Variants in EXOC6B observed in about 807,000 individuals in gnomAD.
EXOC6B encodes SEC15 homolog B.
EXOC6B carries 54 observed loss-of-function variants against 113.5 expected under a neutral mutation model. The observed-to-expected ratio is 0.48, with a 90% confidence interval of 0.38 to 0.60. EXOC6B has a LOEUF of 0.60. EXOC6B is among the 20% of genes least tolerant of loss of function. The pLI is 0.00. For synonymous variants in EXOC6B, 357 were observed against 339.0 expected, an observed-to-expected ratio of 1.05 and a Z score of -0.58; for missense variants, 797 against 977.5, an observed-to-expected ratio of 0.82 and a Z score of 2.46.
intron 1 of EXOC6B, among the ~76,000 whole-genome samples, chr2:72,752,975 T>A (rs1303671808): frequency 6.6e-6 from 1 of 152,098 alleles, no homozygotes; most frequent in Non-Finnish European, 1.5e-5. Flanking sequence ...TCTTCACATA[T>A]ATATATACCC....
chr2:72,662,259 T>A (rs544347325), intron 6 of EXOC6B, among the ~76,000 whole-genome samples: 1 of 152,264 alleles, frequency 6.6e-6, no homozygotes, highest in African/African-American at 2.4e-5. Flanking sequence ...AATCTTCATG[T>A]CCTAGCATAA....
intron 6 of EXOC6B, among the ~76,000 whole-genome samples, chr2:72,642,874 G>C (rs1673370530): frequency 6.7e-6 from 1 of 149,594 alleles, no homozygotes; most frequent in Non-Finnish European, 1.5e-5. Context: ...ATCTGACAAA[G>C]GGCTAATATC....
At chr2:72,728,893 T>C (rs1233958909) in intron 5 of EXOC6B, among the ~76,000 whole-genome samples, 1 of 152,172 alleles carries the variant, frequency 6.6e-6, no homozygotes, top group Non-Finnish European at 1.5e-5. Flanking sequence ...ATTCATATAA[T>C]AGACTACCAT....
chr2:72,766,285 A>T (rs1316717234), intron 1 of EXOC6B, among the ~76,000 whole-genome samples: 2 of 152,180 alleles, frequency 1.3e-5, no homozygotes, highest in East Asian at 3.9e-4. Context: ...TGCCTTACCA[A>T]AAGTGGGAGC....
intron 7 of EXOC6B, among the ~76,000 whole-genome samples, chr2:72,572,274 G>A (rs1020323155): frequency 2.0e-5 from 3 of 152,102 alleles, no homozygotes; most frequent in Middle Eastern, 3.4e-3. Flanking sequence ...TCCTCACCAG[G>A]GACCTTGTTA....
intron 20 of EXOC6B, among the ~76,000 whole-genome samples, chr2:72,189,738 CCCTT>C (rs951389686): frequency 1.3e-5 from 2 of 150,680 alleles, no homozygotes; most frequent in African/African-American, 4.9e-5. Context: ...CCCTCCCCTC[CCCTT>C]CCTTCCTTTC....
At chr2:72,556,316 G>A (rs763124563) in intron 8 of EXOC6B, among the ~76,000 whole-genome samples, 3 of 152,192 alleles carry the variant, frequency 2.0e-5, no homozygotes, top group Non-Finnish European at 4.4e-5. Context: ...CTTATCAAAT[G>A]AGGGCAATTT....
At chr2:72,650,682 T>TA (rs1674101243) in intron 6 of EXOC6B, among the ~76,000 whole-genome samples, 1 of 151,650 alleles carries the variant, frequency 6.6e-6, no homozygotes, top group Non-Finnish European at 1.5e-5. Flanking sequence ...GAAATATATT[T>TA]ACTGAAGAGG....
At chr2:72,700,237 A>AACACACACACACACACACACACACAC (rs3034948) in intron 6 of EXOC6B, among the ~76,000 whole-genome samples, 40 of 142,414 alleles carry the variant, frequency 2.8e-4, no homozygotes, top group African/African-American at 7.8e-4. Context: ...AGACCACAGA[A>AACACACACACACACACACACACACAC]ACACACACAC....
intron 6 of EXOC6B, among the ~76,000 whole-genome samples, chr2:72,704,236 A>G (rs1678665323): frequency 6.6e-6 from 1 of 150,926 alleles, no homozygotes; most frequent in African/African-American, 2.4e-5. Flanking sequence ...TACTGGGTAC[A>G]TAACGAAATG....
intron 1 of EXOC6B, among the ~76,000 whole-genome samples, chr2:72,765,576 G>GGCGGGAGAATCACTTGAAC (rs1193565501): frequency 1.3e-5 from 2 of 152,176 alleles, no homozygotes; most frequent in Non-Finnish European, 2.9e-5. Context: ...GGGAGGCTGA[G>GGCGGGAGAATCACTTGAAC]GCGGGAGAAT....
At chr2:72,482,937 G>C (rs997998105) in intron 16 of EXOC6B, among the ~76,000 whole-genome samples, 1 of 152,154 alleles carries the variant, frequency 6.6e-6, no homozygotes, top group Non-Finnish European at 1.5e-5. Context: ...GGGCAACACT[G>C]GGACTAGATC....
intron 18 of EXOC6B, among the ~76,000 whole-genome samples, chr2:72,384,342 G>A (rs1335172246): frequency 6.6e-6 from 1 of 151,782 alleles, no homozygotes; most frequent in Admixed American, 6.6e-5. Context: ...AGCTCTCAAC[G>A]AATTAGGTAT....
intron 6 of EXOC6B, among the ~76,000 whole-genome samples, chr2:72,636,283 T>G (rs1490304650): frequency 2.9e-5 from 3 of 102,642 alleles, no homozygotes; most frequent in African/African-American, 3.8e-5. Flanking sequence ...GAAGGAAAAA[T>G]GGAGGGAAGA....
intron 17 of EXOC6B, among the ~76,000 whole-genome samples, chr2:72,478,522 G>A (rs1311739613): frequency 6.6e-6 from 1 of 152,228 alleles, no homozygotes; most frequent in Non-Finnish European, 1.5e-5. Flanking sequence ...TAAATTTTCA[G>A]TGTGTTTTAA....
chr2:72,731,910 A>G (rs944576874), intron 3 of EXOC6B, among the ~76,000 whole-genome samples: 5 of 152,210 alleles, frequency 3.3e-5, no homozygotes, highest in Non-Finnish European at 7.3e-5. Context: ...AAGAAGCATG[A>G]TAACAGAGAA....
intron 6 of EXOC6B, among the ~76,000 whole-genome samples, chr2:72,676,141 A>T (rs1020546699): frequency 6.7e-6 from 1 of 150,026 alleles, no homozygotes; most frequent in Non-Finnish European, 1.5e-5. Flanking sequence ...AAAAAAAAAA[A>T]GAAGAAGAAG....
chr2:72,611,101 A>G (rs1232843987), intron 6 of EXOC6B, among the ~76,000 whole-genome samples: 3 of 152,064 alleles, frequency 2.0e-5, no homozygotes, highest in Admixed American at 6.6e-5. Flanking sequence ...GGTGGCTCAC[A>G]CCTGTAATCC....
intron 18 of EXOC6B, among the ~76,000 whole-genome samples, chr2:72,392,951 G>C (rs1293668249): frequency 2.0e-5 from 3 of 152,244 alleles, no homozygotes; most frequent in African/African-American, 7.2e-5. Flanking sequence ...TAGAATATTT[G>C]CTCAGCAATC....
Sources: allele counts gnomAD v4.1 joint callset (sites outside exome capture counted in the v4.1 genomes callset), GRCh38; gene constraint gnomAD v4.1.1; transcripts MANE v1.5; gene names NCBI Gene and HGNC (gene_info 2026-07-23, HGNC 2026-07-21).